Variants in BBS9 observed in about 807,000 individuals in gnomAD.
BBS9 encodes the protein protein PTHB1.
Under a neutral mutation model 117.7 loss-of-function variants are expected in BBS9, and 89 were observed. The ratio of observed to expected loss-of-function variants is 0.76; its 90% CI spans 0.64 to 0.90. The LOEUF is 0.90. Among genes scored for constraint, BBS9 ranks in the 40% least tolerant of loss-of-function variants. The pLI is 0.00. For missense variants in BBS9, 982 were observed against 1,042.2 expected, an observed-to-expected ratio of 0.94 and a Z score of 0.80; for synonymous variants, 379 against 370.9, an observed-to-expected ratio of 1.02 and a Z score of -0.25.
At position 33,134,215 on chromosome 7, in the gene BBS9, A is replaced by ATT. The variant is rs59609414; in HGVS notation, c.-12+4194_-12+4195dup. Among the ~76,000 whole-genome samples, 151 of 118,042 alleles carry ATT rather than the reference A, an allele frequency of 1.3e-3. 3 individuals carry two copies. The highest frequency in any genetic ancestry group is 4.1e-3 in the African/African-American group (123 of 29,932). The allele number at this position is 118,042 out of a possible 152,430, so 77.4% of individuals were successfully genotyped here. ...CAGGCACCTGCCATCACGCCTGGCT[A>ATT]TTTTTTTTTTTTTTTTTTTTTGTAT... On this transcript the variant is annotated intron_variant, in intron 1 of 22. Coordinates refer to ENST00000242067, the MANE Select transcript of BBS9 (RefSeq NM_198428.3).
intron 19 of BBS9, among the ~76,000 whole-genome samples, chr7:33,474,424 T>G (rs1841510902): frequency 6.6e-6 from 1 of 152,238 alleles, no homozygotes; most frequent in Non-Finnish European, 1.5e-5. Context: ...TTTTTCTTAT[T>G]ACTCAAGTAA....
chr7:33,277,039 A>G (rs562651720), intron 9 of BBS9: 6 of 241,672 alleles, frequency 2.5e-5, no homozygotes, highest in Non-Finnish European at 5.5e-5. Context: ...ACCTGTGAAG[A>G]TCTGTTCTAT....
At chr7:33,570,110 T>C (rs1415944473) in intron 21 of BBS9, among the ~76,000 whole-genome samples, 1 of 152,206 alleles carries the variant, frequency 6.6e-6, no homozygotes, top group African/African-American at 2.4e-5. Flanking sequence ...CAAGGAAGTT[T>C]TGCATTAAAT....
intron 5 of BBS9, among the ~76,000 whole-genome samples, chr7:33,245,713 TCTTG>T (rs1054773680): frequency 6.6e-6 from 1 of 152,184 alleles, no homozygotes; most frequent in African/African-American, 2.4e-5. Context: ...TAACATAGTT[TCTTG>T]CTTTTATGAT....
chr7:33,174,106 A>G (rs1200591181), intron 4 of BBS9, among the ~76,000 whole-genome samples: 2 of 152,206 alleles, frequency 1.3e-5, no homozygotes, highest in Non-Finnish European at 2.9e-5. Flanking sequence ...TCCTAGACCC[A>G]GTCCAGTTTC....
At chr7:33,589,002 A>G (rs1861427398) in intron 21 of BBS9, among the ~76,000 whole-genome samples, 1 of 152,148 alleles carries the variant, frequency 6.6e-6, no homozygotes. Context: ...GAATGAAGGA[A>G]TGACATGACT....
intron 4 of BBS9, among the ~76,000 whole-genome samples, chr7:33,166,922 G>A (rs1176139146): frequency 6.6e-6 from 1 of 152,148 alleles, no homozygotes; most frequent in Non-Finnish European, 1.5e-5. Flanking sequence ...AGATGAACCA[G>A]GTAGCTCAGT....
At chr7:33,415,549 A>T (rs1356887962) in intron 19 of BBS9, among the ~76,000 whole-genome samples, 1 of 152,218 alleles carries the variant, frequency 6.6e-6, no homozygotes, top group Non-Finnish European at 1.5e-5. Flanking sequence ...ACACCATTTC[A>T]TCTATAAAAC....
At chr7:33,376,437 C>T (rs1823903227) in intron 17 of BBS9, among the ~76,000 whole-genome samples, 1 of 152,134 alleles carries the variant, frequency 6.6e-6, no homozygotes, top group Admixed American at 6.5e-5. Flanking sequence ...ATTATCTAGT[C>T]TATTGTCAAT....
At chr7:33,492,847 T>A (rs972173405) in intron 19 of BBS9, among the ~76,000 whole-genome samples, 1 of 140,688 alleles carries the variant, frequency 7.1e-6, no homozygotes, top group Non-Finnish European at 1.6e-5. Flanking sequence ...TGTGTGTGTG[T>A]GTGTGTGTAT....
intron 9 of BBS9, among the ~76,000 whole-genome samples, chr7:33,335,333 G>T (rs1815111747): frequency 6.6e-6 from 1 of 152,090 alleles, no homozygotes; most frequent in Admixed American, 6.5e-5. Context: ...AAGTAGCTGG[G>T]AGTACAGGCT....
At chr7:33,503,641 G>C (rs969880684) in intron 19 of BBS9, among the ~76,000 whole-genome samples, 3 of 152,052 alleles carry the variant, frequency 2.0e-5, no homozygotes, top group Non-Finnish European at 4.4e-5. Flanking sequence ...GCATTCAGTG[G>C]GTGTTTATGA....
At chr7:33,467,009 CAT>C (rs1212072268) in intron 19 of BBS9, among the ~76,000 whole-genome samples, 4 of 105,712 alleles carry the variant, frequency 3.8e-5, no homozygotes, top group Admixed American at 1.0e-4. Flanking sequence ...TTCATTCATT[CAT>C]TCTCTCTCTC....
At chr7:33,186,482 T>C (rs1325112854) in intron 5 of BBS9, among the ~76,000 whole-genome samples, 4 of 152,208 alleles carry the variant, frequency 2.6e-5, no homozygotes, top group Non-Finnish European at 4.4e-5. Flanking sequence ...GAAAAAACTT[T>C]CCTATCAGAA....
chr7:33,146,169 A>T (rs1477590240), intron 1 of BBS9, 73 bp from the exon 2 acceptor site: 2 of 1,038,282 alleles, frequency 1.9e-6, no homozygotes, highest in African/African-American at 1.6e-5. Flanking sequence ...GTCCAAGTTT[A>T]ATTTGCTATG....
At chr7:33,274,744 C>G (rs1800422107) in intron 9 of BBS9, among the ~76,000 whole-genome samples, 1 of 152,158 alleles carries the variant, frequency 6.6e-6, no homozygotes, top group Non-Finnish European at 1.5e-5. Flanking sequence ...CCTGTAATCC[C>G]AGCTCTTTGG....
intron 5 of BBS9, among the ~76,000 whole-genome samples, chr7:33,208,337 C>CT (rs1787352177): frequency 1.3e-5 from 2 of 152,284 alleles, no homozygotes; most frequent in South Asian, 4.1e-4. Flanking sequence ...ACCTCTGTCT[C>CT]TGTTTTCTTT....
intron 5 of BBS9, among the ~76,000 whole-genome samples, chr7:33,227,296 C>T (rs111508267): frequency 2.8e-4 from 43 of 151,768 alleles, no homozygotes; most frequent in African/African-American, 8.5e-4. Flanking sequence ...TACAGGCACA[C>T]GCCACCATGC....
chr7:33,612,797 A>G (rs1864945162), intron 21 of BBS9, among the ~76,000 whole-genome samples: 1 of 152,018 alleles, frequency 6.6e-6, no homozygotes, highest in Non-Finnish European at 1.5e-5. Context: ...TTAGACAGCC[A>G]CTCAAAGTCC....
Sources: allele counts gnomAD v4.1 joint callset (sites outside exome capture counted in the v4.1 genomes callset), GRCh38; gene constraint gnomAD v4.1.1; transcripts MANE v1.5; gene names NCBI Gene and HGNC (gene_info 2026-07-23, HGNC 2026-07-21).